LOXL2: variants seen among roughly 807,000 people sequenced by gnomAD.
LOXL2 encodes lysyl oxidase like 2, also known as lysyl oxidase homolog 2.
In LOXL2, 70 loss-of-function variants were observed where a neutral mutation model predicts 93.0. That is an observed-to-expected ratio of 0.75 (90% CI 0.62 to 0.92). The LOEUF (loss-of-function observed/expected upper bound fraction) is 0.92, where lower values mean the gene tolerates loss of function less well. Among genes scored for constraint, LOXL2 ranks in the 40% least tolerant of loss-of-function variants. The probability of loss-of-function intolerance (pLI) is 0.00; values close to 1 mark genes in which losing one functional copy is unlikely to be tolerated. For missense variants in LOXL2, 973 were observed against 1,054.9 expected, an observed-to-expected ratio of 0.92 and a Z score of 1.08; for synonymous variants, 438 against 413.2, an observed-to-expected ratio of 1.06 and a Z score of -0.73.
At chr8:23,319,815 G>A in intron 8 of LOXL2, 70 bp downstream of exon 8, 1 of 1,509,602 alleles carries the variant, frequency 6.6e-7, no homozygotes. Flanking sequence ...GGGAGAGGGG[G>A]GCTGACTGAA....
chr8:23,383,706 G>T (rs1804714236), intron 1 of LOXL2, among the ~76,000 whole-genome samples: 1 of 141,136 alleles, frequency 7.1e-6, no homozygotes, highest in Non-Finnish European at 1.5e-5. Flanking sequence ...TGTCGTCCAG[G>T]CTGGAGTGCA....
intron 12 of LOXL2, 99 bp from the exon 13 acceptor site, chr8:23,299,046 C>G: frequency 1.4e-6 from 1 of 729,010 alleles, no homozygotes. Flanking sequence ...GGAAGGGGAG[C>G]GTGGCAGGTG....
chr8:23,325,714 G>C (rs1803566910), intron 6 of LOXL2, among the ~76,000 whole-genome samples: 1 of 152,232 alleles, frequency 6.6e-6, no homozygotes. Flanking sequence ...AGCGCTGCAT[G>C]CTGGCGGACT....
In LOXL2 at chr8:23,333,493, C is replaced by A. The variant is rs757887256; in HGVS notation, c.874G>T (p.Glu292Ter). 6.2e-7 allele frequency: 1 copy of A among 1,613,904 alleles called. No individual in the cohort carries two copies. The highest frequency in any genetic ancestry group is 1.3e-5 in the African/African-American group (1 of 74,948). ...SLDPMKNVTC[E>*]NGLPAVVSCV... ...CTCACCACGGCCGGTAGCCCATTCT[C>A]GCAGGTGACATTCTTCATGGGGTCC... The change falls in exon 5 of 14, where the codon GAG becomes TAG. Residue 292 changes from glutamate to a stop codon, truncating the protein, a stop_gained. Transcript: ENST00000389131. LOFTEE classifies it high-confidence loss of function.
At chr8:23,316,615 A>G in intron 9 of LOXL2, 1 of 281,884 alleles carries the variant, frequency 3.5e-6, no homozygotes, top group Non-Finnish European at 6.5e-6. Context: ...ACACCCATGG[A>G]AGATGTCATC....
chr8:23,300,297 C>T (rs1803108526), intron 12 of LOXL2, among the ~76,000 whole-genome samples: 3 of 152,368 alleles, frequency 2.0e-5, no homozygotes, highest in Middle Eastern at 3.4e-3. Flanking sequence ...CGACATCTCA[C>T]GAGGGCCTGC....
In LOXL2 at chr8:23,333,565, T is replaced by G. The variant is rs776870880; in HGVS notation, c.802A>C (p.Thr268Pro). ...TTGCAGCTGGAGATGTGGGCCTCTG[T>G]GCCGGTGCAGTCCATGGAGAATGGC... Reference protein sequence around the residue: ...YWPFSMDCTGTEAHISSCKLG... With the variant: ...YWPFSMDCTGPEAHISSCKLG... The change falls in exon 5 of 14, where the codon ACA (threonine) becomes CCA (proline). Residue 268 changes from threonine to proline, a missense_variant. Thr to Pro is a conservative substitution (Grantham distance 38). Coordinates refer to ENST00000389131, the MANE Select transcript of LOXL2 (RefSeq NM_002318.3). 6.2e-7 allele frequency: 1 copy of G among 1,613,906 alleles called. No homozygotes were observed. Among genetic ancestry groups the G allele is most frequent in the South Asian group, 1.1e-5 (1 of 91,088 alleles).
chr8:23,394,963 T>C (rs548758672), intron 1 of LOXL2, among the ~76,000 whole-genome samples: 2 of 152,272 alleles, frequency 1.3e-5, no homozygotes, highest in East Asian at 3.9e-4. Context: ...ATGGTGAGGC[T>C]TAAAAACATT....
rs570063517 is a variant in LOXL2 at position 23,346,438 on chromosome 8, AC to A, written c.532-5236del. 1.7e-3 allele frequency among the ~76,000 whole-genome samples: 260 copies of A among 152,190 alleles called. 1 individual carries two copies. Among genetic ancestry groups the A allele is most frequent in the African/African-American group, 6.0e-3 (251 of 41,512 alleles). Reference sequence around the variant, plus strand: ...GCCTGAGACTCTGGGAGTGATTTGCACCCGTTCCTAGAAGGGAAAACCAAGG... The same window carrying A: ...GCCTGAGACTCTGGGAGTGATTTGCACCGTTCCTAGAAGGGAAAACCAAGG... On this transcript the variant is annotated intron_variant, in intron 3 of 13. Transcript: ENST00000389131.
At chr8:23,353,118 T>A (rs1301816912) in intron 3 of LOXL2, among the ~76,000 whole-genome samples, 1 of 152,146 alleles carries the variant, frequency 6.6e-6, no homozygotes, top group African/African-American at 2.4e-5. Flanking sequence ...CAAGGCTTCC[T>A]GTGAGCACAT....
At chr8:23,370,185 C>T (rs1036901097) in intron 1 of LOXL2, among the ~76,000 whole-genome samples, 6 of 152,170 alleles carry the variant, frequency 3.9e-5, no homozygotes, top group African/African-American at 9.7e-5. Context: ...CCATGGCACA[C>T]ATCCCATCAT....
rs185701955 is a variant in LOXL2 at position 23,297,953 on chromosome 8, C to T, written c.*90G>A. The T allele has an allele frequency of 7.3e-5, 80 of 1,096,376 alleles. No homozygotes were observed. The African/African-American group carries it at 9.7e-4, about 13-fold the overall frequency. 67.9% of individuals were successfully genotyped at this position (1,096,376 alleles called of 1,614,324 possible). A position where few individuals can be genotyped will look rare whatever the true frequency, so the allele number is the denominator to read the frequency against. On this transcript the variant is annotated 3_prime_UTR_variant, in exon 14 of 14. Transcript: ENST00000389131. ...GTGGGGGCCGGGCTGGGTGAGGGCACGTGGCATTCGTTCAGACTCAGTTGT... is the reference window on the plus strand; with the variant it reads ...GTGGGGGCCGGGCTGGGTGAGGGCATGTGGCATTCGTTCAGACTCAGTTGT...
At chr8:23,353,231 C>T (rs546612012) in intron 3 of LOXL2, among the ~76,000 whole-genome samples, 153 of 152,204 alleles carry the variant, frequency 1.0e-3, no homozygotes, top group African/African-American at 3.5e-3. Context: ...CTGGTCTACC[C>T]GCCACAGGCA....
At chr8:23,385,970 T>C (rs768100365) in intron 1 of LOXL2, 4 of 765,178 alleles carry the variant, frequency 5.2e-6, no homozygotes, top group African/African-American at 3.4e-5. Context: ...TGGCCCCATA[T>C]GGTGGTGGCT....
chr8:23,372,104 G>A (rs1326792593), intron 1 of LOXL2, among the ~76,000 whole-genome samples: 5 of 151,890 alleles, frequency 3.3e-5, no homozygotes, highest in Admixed American at 6.6e-5. Context: ...AATATTAGAT[G>A]GTGGGTTTAA....
intron 5 of LOXL2, chr8:23,331,625 T>C (rs1320786735): frequency 6.6e-6 from 1 of 151,946 alleles, no homozygotes; most frequent in Non-Finnish European, 1.5e-5. Context: ...CAGAGACCCT[T>C]TGATGGATAC....
At chr8:23,312,915 C>T (rs1226547312) in intron 9 of LOXL2, among the ~76,000 whole-genome samples, 4 of 134,762 alleles carry the variant, frequency 3.0e-5, no homozygotes, top group East Asian at 2.1e-4. Context: ...TGTCTCAGCC[C>T]AAAATCTCCT....
intron 6 of LOXL2, among the ~76,000 whole-genome samples, chr8:23,324,346 C>T (rs1803545396): frequency 6.6e-6 from 1 of 152,168 alleles, no homozygotes; most frequent in African/African-American, 2.4e-5. Context: ...GGCAGGGCCT[C>T]CCTCCTGAAG....
At chr8:23,343,597 G>A (rs988529693) in intron 3 of LOXL2, among the ~76,000 whole-genome samples, 1 of 152,224 alleles carries the variant, frequency 6.6e-6, no homozygotes, top group Admixed American at 6.5e-5. Context: ...CTCGCCATGG[G>A]CTTCAGGGTC....
Sources: gnomAD v4.1 joint callset for allele counts (sites outside exome capture counted in the v4.1 genomes callset) on GRCh38, gnomAD v4.1.1 for gene constraint, MANE v1.5 for transcripts, NCBI Gene and HGNC (gene_info 2026-07-23, HGNC 2026-07-21) for gene names.